FOXN3: variants seen among roughly 807,000 people sequenced by gnomAD.
The protein encoded by FOXN3 is forkhead box protein N3.
FOXN3 carries 7 observed loss-of-function variants against 38.4 expected under a neutral mutation model. The ratio of observed to expected loss-of-function variants is 0.18; its 90% CI spans 0.10 to 0.34. The LOEUF (loss-of-function observed/expected upper bound fraction) is 0.34, where lower values mean the gene tolerates loss of function less well. Among genes scored for constraint, FOXN3 ranks in the 10% least tolerant of loss-of-function variants. The pLI, the probability that FOXN3 is intolerant of heterozygous loss-of-function variation, is 1.00. For synonymous variants in FOXN3, 230 were observed against 242.2 expected, an observed-to-expected ratio of 0.95 and a Z score of 0.47; for missense variants, 456 against 613.4, an observed-to-expected ratio of 0.74 and a Z score of 2.71.
chr14:89,591,253 G>A (rs558115681), intron 1 of FOXN3, among the ~76,000 whole-genome samples: 1 of 152,202 alleles, frequency 6.6e-6, no homozygotes, highest in Non-Finnish European at 1.5e-5. Flanking sequence ...GAAGGGAGAA[G>A]AGATGAGACA....
At chr14:89,212,584 T>C (rs1884130769) in intron 4 of FOXN3, among the ~76,000 whole-genome samples, 1 of 152,212 alleles carries the variant, frequency 6.6e-6, no homozygotes, top group Non-Finnish European at 1.5e-5. Flanking sequence ...ACCACACAGA[T>C]CCGGCGATGG....
intron 3 of FOXN3, among the ~76,000 whole-genome samples, chr14:89,297,135 A>C (rs1235658107): frequency 6.6e-6 from 1 of 152,172 alleles, no homozygotes; most frequent in Non-Finnish European, 1.5e-5. Flanking sequence ...TAACAAGAGG[A>C]AAGGCAAGTA....
chr14:89,264,351 CA>C (rs1197887122), intron 4 of FOXN3, among the ~76,000 whole-genome samples: 2 of 152,238 alleles, frequency 1.3e-5, no homozygotes, highest in Non-Finnish European at 2.9e-5. Context: ...GAGAGCCAAG[CA>C]AAAGGGGAAA....
At chr14:89,493,422 T>C (rs1191849621) in intron 1 of FOXN3, among the ~76,000 whole-genome samples, 3 of 152,172 alleles carry the variant, frequency 2.0e-5, no homozygotes, top group African/African-American at 7.2e-5. Flanking sequence ...CCGAAATTAC[T>C]GCACAATTTG....
chr14:89,390,490 TAAAAAA>T (rs376776864), intron 2 of FOXN3, among the ~76,000 whole-genome samples: 3 of 130,176 alleles, frequency 2.3e-5, no homozygotes, highest in Admixed American at 7.9e-5. Flanking sequence ...AGCTGCTTTT[TAAAAAA>T]AAAAAAAAAA....
At chr14:89,546,973 C>T (rs954311564) in intron 1 of FOXN3, among the ~76,000 whole-genome samples, 3 of 151,838 alleles carry the variant, frequency 2.0e-5, no homozygotes, top group Admixed American at 6.6e-5. Context: ...TTAGTAGAGA[C>T]GGGGTTTCAC....
At chr14:89,189,607 G>A (rs1376997142) in intron 4 of FOXN3, among the ~76,000 whole-genome samples, 4 of 152,264 alleles carry the variant, frequency 2.6e-5, no homozygotes, top group African/African-American at 9.6e-5. Flanking sequence ...CTGACCTCGA[G>A]TGGGGAGAAG....
intron 4 of FOXN3, among the ~76,000 whole-genome samples, chr14:89,196,022 A>G (rs920775011): frequency 5.3e-5 from 8 of 152,174 alleles, no homozygotes; most frequent in African/African-American, 1.9e-4. Flanking sequence ...TCCTTCGCCC[A>G]TGCTTCAGTA....
chr14:89,385,626 G>C (rs953894568), intron 2 of FOXN3, among the ~76,000 whole-genome samples: 18 of 151,924 alleles, frequency 1.2e-4, no homozygotes, highest in Non-Finnish European at 2.5e-4. Flanking sequence ...TGACCAACAT[G>C]GAGAAACCCT....
chr14:89,354,416 G>A (rs1889112621), intron 2 of FOXN3, among the ~76,000 whole-genome samples: 1 of 151,002 alleles, frequency 6.6e-6, no homozygotes, highest in Non-Finnish European at 1.5e-5. Flanking sequence ...AGGAGAGACA[G>A]GGTTTCTCCA....
intron 1 of FOXN3, among the ~76,000 whole-genome samples, chr14:89,455,078 C>T (rs762206222): frequency 3.9e-5 from 6 of 152,260 alleles, no homozygotes; most frequent in South Asian, 4.1e-4. Context: ...TGCAGGAGAG[C>T]GACTCAGGAA....
At chr14:89,383,070 G>A (rs1441698110) in intron 2 of FOXN3, among the ~76,000 whole-genome samples, 1 of 129,822 alleles carries the variant, frequency 7.7e-6, no homozygotes, top group Non-Finnish European at 1.6e-5. Flanking sequence ...TTTGGCTAGA[G>A]TCAGTACCAT....
intron 2 of FOXN3, among the ~76,000 whole-genome samples, chr14:89,371,970 A>C (rs1033954575): frequency 6.6e-6 from 1 of 151,704 alleles, no homozygotes; most frequent in Admixed American, 6.6e-5. Context: ...GGGGGAGTGC[A>C]CCCCCGGCTT....
At chr14:89,289,128 G>A (rs181979490) in intron 3 of FOXN3, among the ~76,000 whole-genome samples, 25 of 147,638 alleles carry the variant, frequency 1.7e-4, no homozygotes, top group African/African-American at 6.3e-4. Flanking sequence ...GTTGCAGTGG[G>A]ACGAGATCAT....
chr14:89,406,522 G>C (rs1429477236), intron 2 of FOXN3, among the ~76,000 whole-genome samples: 2 of 152,126 alleles, frequency 1.3e-5, no homozygotes. Flanking sequence ...CTTCTAGCAA[G>C]TTACTTAACC....
At chr14:89,221,238 G>A (rs1034793157) in intron 4 of FOXN3, among the ~76,000 whole-genome samples, 36 of 152,192 alleles carry the variant, frequency 2.4e-4, no homozygotes, top group Admixed American at 2.0e-3. Flanking sequence ...CTATTCCAGC[G>A]AAGTGTCTTA....
At chr14:89,297,769 G>C (rs35839078) in intron 3 of FOXN3, among the ~76,000 whole-genome samples, 40,526 of 152,016 alleles carry the variant, frequency 0.27, 5,485 homozygotes, top group Admixed American at 0.35. Context: ...CTTGAGGCTA[G>C]GAGTTCGAGA....
chr14:89,591,582 C>G (rs1416835898), intron 1 of FOXN3, among the ~76,000 whole-genome samples: 1 of 151,816 alleles, frequency 6.6e-6, no homozygotes, highest in African/African-American at 2.4e-5. Context: ...AAACGAAATT[C>G]AGGCATCACC....
At chr14:89,590,492 G>A (rs1182362504) in intron 1 of FOXN3, among the ~76,000 whole-genome samples, 1 of 152,138 alleles carries the variant, frequency 6.6e-6, no homozygotes, top group Non-Finnish European at 1.5e-5. Flanking sequence ...ATCCTAAGAA[G>A]GCTCAGGAAT....
Sources: gnomAD v4.1 joint callset for allele counts (sites outside exome capture counted in the v4.1 genomes callset) on GRCh38, gnomAD v4.1.1 for gene constraint, MANE v1.5 for transcripts, NCBI Gene and HGNC (gene_info 2026-07-23, HGNC 2026-07-21) for gene names.